The following MAGOH variants were observed in gnomAD, a reference collection of about 807,000 sequenced individuals.
The protein encoded by MAGOH is protein mago nashi homolog.
In MAGOH, 3 loss-of-function variants were observed where a neutral mutation model predicts 20.9. The ratio of observed to expected loss-of-function variants is 0.14; its 90% CI spans 0.07 to 0.37. MAGOH has a LOEUF of 0.37. MAGOH is among the 10% of genes least tolerant of loss of function. The pLI is 1.00. For synonymous variants in MAGOH, 51 were observed against 61.0 expected (o/e 0.84, Z 0.76); for missense variants, 66 against 178.1 (o/e 0.37, Z 3.58).
chr1:53,231,044 G>A (rs759782406), intron 3 of MAGOH, among the ~76,000 whole-genome samples: 12 of 152,002 alleles, frequency 7.9e-5, no homozygotes, highest in Non-Finnish European at 1.3e-4. Context: ...TCCCTAACGC[G>A]GTTATACTAA....
chr1:53,228,200 G>A (rs1194784686), intron 4 of MAGOH, among the ~76,000 whole-genome samples: 1 of 152,118 alleles, frequency 6.6e-6, no homozygotes, highest in Non-Finnish European at 1.5e-5. Flanking sequence ...GGGAGGCCGA[G>A]GCAGGCGGAT....
intron 3 of MAGOH, among the ~76,000 whole-genome samples, chr1:53,230,875 G>C (rs1300373318): frequency 6.6e-6 from 1 of 152,276 alleles, no homozygotes; most frequent in East Asian, 1.9e-4. Flanking sequence ...TTAAATGCTT[G>C]TGGTATTCCA....
chr1:53,235,601 C>T lies in MAGOH; in HGVS notation c.123G>A (p.Lys41=). The T allele has an allele frequency of 5.0e-6, 8 of 1,614,020 alleles. No homozygotes were observed. Among genetic ancestry groups the T allele is most frequent in the Non-Finnish European group, 6.8e-6 (8 of 1,179,954 alleles). The change falls in exon 2 of 5, where the codon AAG becomes AAA. Residue 41 remains lysine (K), a synonymous_variant. Transcript: ENST00000371470. ...KLRYANNSNY[K]NDVMIRKEAY... is the part of the protein sequence containing the mutation. Reference sequence around the variant, plus strand: ...CCTCTTTTCTGATCATGACATCATTCTTGTAATTGCTGTTGTTGGCATATC... The same window carrying T: ...CCTCTTTTCTGATCATGACATCATTTTTGTAATTGCTGTTGTTGGCATATC...
intron 3 of MAGOH, 181 bp downstream of exon 3, chr1:53,233,361 A>G (rs994374459): frequency 9.8e-6 from 5 of 512,336 alleles, no homozygotes; most frequent in Non-Finnish European, 1.7e-5. Flanking sequence ...AATTATTTGT[A>G]TGATTTTCCT....
chr1:53,233,758 G>C (rs1645597611), intron 2 of MAGOH, 106 bp from the exon 3 acceptor site: 1 of 760,168 alleles, frequency 1.3e-6, no homozygotes, highest in Non-Finnish European at 2.3e-6. Context: ...CTTATTTCTG[G>C]CATCTCCTTA....
At position 53,233,578 on chromosome 1, in the gene MAGOH, A is replaced by G; in HGVS notation, c.222T>C (p.Asp74=). ...IDDSEITKED[D]ALWPPPDRVG... ...CTCGGTCAGGAGGAGGCCACAATGCATCATCCTCTTTGGTAATTTCACTGT... is the reference window on the plus strand; with the variant it reads ...CTCGGTCAGGAGGAGGCCACAATGCGTCATCCTCTTTGGTAATTTCACTGT... Residue 74 remains aspartate (D), a synonymous_variant, in exon 3 of 5, where the codon GAT becomes GAC. Coordinates refer to ENST00000371470, the MANE Select transcript of MAGOH (RefSeq NM_002370.4). 2 of 1,614,154 alleles carry G rather than the reference A, an allele frequency of 1.2e-6. No individual in the cohort carries two copies. Among genetic ancestry groups the G allele is most frequent in the Non-Finnish European group, 1.7e-6 (2 of 1,179,990 alleles).
intron 3 of MAGOH, among the ~76,000 whole-genome samples, chr1:53,231,362 T>C (rs2100303915): frequency 6.6e-6 from 1 of 152,328 alleles, no homozygotes; most frequent in Non-Finnish European, 1.5e-5. Context: ...CAACTTTATC[T>C]TGCCATCTTT....
Position 53,227,024 on chromosome 1 carries a change from AT to A in MAGOH, c.*20del. The A allele has an allele frequency of 1.0e-5, 6 of 601,110 alleles. No individual in the cohort carries two copies. Among genetic ancestry groups the A allele is most frequent in the South Asian group, 2.2e-5 (1 of 46,334 alleles). 37.2% of individuals were successfully genotyped at this position (601,110 alleles called of 1,614,324 possible). A position where few individuals can be genotyped will look rare whatever the true frequency, so the allele number is the denominator to read the frequency against. ...AATTTTCTACTCCCACCCACCCCCC[AT>A]GTCCACACCAATATTCAGTCTAGAT... On this transcript the variant is annotated 3_prime_UTR_variant, in exon 5 of 5. Transcript: ENST00000371470.
At chr1:53,234,372 TC>T (rs1490574687) in intron 2 of MAGOH, among the ~76,000 whole-genome samples, 35 of 137,588 alleles carry the variant, frequency 2.5e-4, no homozygotes, top group African/African-American at 8.9e-4. Flanking sequence ...CCCTGGTTAT[TC>T]TTTTTTTTTT....
intron 1 of MAGOH, among the ~76,000 whole-genome samples, chr1:53,236,857 C>T (rs1362210059): frequency 6.6e-6 from 1 of 152,158 alleles, no homozygotes; most frequent in East Asian, 1.9e-4. Flanking sequence ...CAACAAAATC[C>T]TATCAACGAT....
rs141946470 is a variant in MAGOH at position 53,227,791 on chromosome 1, G to A, written c.342-647C>T. On this transcript the variant is annotated intron_variant, in intron 4 of 4. Transcript: ENST00000371470. ...CGACCTCAGGTGATCCGCCTGCCTCGGCCTCCCAAAGTGCTGGGATTACAG... is the reference window on the plus strand; with the variant it reads ...CGACCTCAGGTGATCCGCCTGCCTCAGCCTCCCAAAGTGCTGGGATTACAG... Among the ~76,000 whole-genome samples, 346 of 152,090 alleles carry A rather than the reference G, an allele frequency of 2.3e-3. 10 individuals carry two copies. The East Asian group carries it at 0.056, about 25-fold the overall frequency.
At chr1:53,229,136 T>C (rs542591421) in intron 3 of MAGOH, among the ~76,000 whole-genome samples, 182 bp from the exon 4 acceptor site, 10 of 151,916 alleles carry the variant, frequency 6.6e-5, no homozygotes, top group Non-Finnish European at 1.5e-4. Context: ...ACAGCTCATA[T>C]TTAGAAGAAG....
intron 1 of MAGOH, among the ~76,000 whole-genome samples, chr1:53,237,511 C>A (rs369732040): frequency 1.1e-4 from 17 of 150,758 alleles, no homozygotes; most frequent in Non-Finnish European, 1.9e-4. Flanking sequence ...TCCGTCTCTA[C>A]TAAAAATACA....
At chr1:53,232,539 A>G (rs532191713) in intron 3 of MAGOH, among the ~76,000 whole-genome samples, 4 of 152,328 alleles carry the variant, frequency 2.6e-5, no homozygotes, top group African/African-American at 9.6e-5. Flanking sequence ...GACATCACTG[A>G]GGAAGTGACT....
rs1645628463 is a variant in MAGOH, at chr1:53,238,413, C to T, written c.36G>A (p.Gly12=). Residue 12 remains glycine, a synonymous_variant, in exon 1 of 5, where the codon GGG becomes GGA. Coordinates refer to ENST00000371470, the MANE Select transcript of MAGOH (RefSeq NM_002370.4). ...ACTCGTGGCCGAACTTGCCCTTGTG[C>T]CCCACGTAGTAACGCAGATAAAAGT... The part of the protein sequence containing the change: ...ESDFYLRYYV[G]HKGKFGHEFL... 1 of 1,613,980 alleles carries T rather than the reference C, an allele frequency of 6.2e-7. No individual in the cohort carries two copies. Among genetic ancestry groups the T allele is most frequent in the Admixed American group, 1.7e-5 (1 of 60,006 alleles).
chr1:53,237,424 C>T (rs1280230348), intron 1 of MAGOH, among the ~76,000 whole-genome samples: 3 of 150,936 alleles, frequency 2.0e-5, no homozygotes, highest in African/African-American at 7.3e-5. Context: ...CCTGTAATCC[C>T]AGCACTTTGG....
At chr1:53,227,717 T>A (rs1645567243) in intron 4 of MAGOH, among the ~76,000 whole-genome samples, 1 of 152,116 alleles carries the variant, frequency 6.6e-6, no homozygotes, top group Non-Finnish European at 1.5e-5. Flanking sequence ...TTTTGTATTT[T>A]TAGTAGAGAT....
At chr1:53,233,846 C>T in intron 2 of MAGOH, 194 bp from the exon 3 acceptor site, 1 of 517,070 alleles carries the variant, frequency 1.9e-6, no homozygotes, top group Non-Finnish European at 3.5e-6. Flanking sequence ...AACTGCACCT[C>T]AGTCCCCTAT....
chr1:53,232,946 CAAA>C (rs943848559), intron 3 of MAGOH, among the ~76,000 whole-genome samples: 36 of 152,126 alleles, frequency 2.4e-4, no homozygotes, highest in Admixed American at 1.6e-3. Context: ...ACTACAAATA[CAAA>C]AATTAGCTGG....
Sources: allele counts gnomAD v4.1 joint callset (sites outside exome capture counted in the v4.1 genomes callset), GRCh38; gene constraint gnomAD v4.1.1; transcripts MANE v1.5; gene names NCBI Gene and HGNC (gene_info 2026-07-23, HGNC 2026-07-21).